The following BEND5 variants were observed in gnomAD, a reference collection of about 807,000 sequenced individuals.
BEND5 encodes the protein BEN domain containing 5.
In BEND5, 22 loss-of-function variants were observed where a neutral mutation model predicts 43.9. The observed-to-expected ratio is 0.50, with a 90% confidence interval of 0.36 to 0.72. BEND5 has a LOEUF of 0.72. Among genes scored for constraint, BEND5 ranks in the 30% least tolerant of loss-of-function variants. BEND5 has a pLI of 0.00. For missense variants in BEND5, 428 were observed against 550.6 expected (o/e 0.78, Z 2.23); for synonymous variants, 228 against 225.9 (o/e 1.01, Z -0.08).
chr1:48,733,252 G>C lies in BEND5; in HGVS notation c.1108+2987C>G, dbSNP rs529636341. ...TGATGCTGGGAAGGAACCAGTAGTA[G>C]AGCAGGAGCATAACTGAAGGAACAA... On this transcript the variant is annotated intron_variant, in intron 5 of 5. Transcript: ENST00000371833. Among the ~76,000 whole-genome samples, 8 of 152,312 alleles carry C rather than the reference G, an allele frequency of 5.3e-5. No homozygotes were observed. The South Asian group carries it at 1.7e-3, about 32-fold the overall frequency.
chr1:48,748,878 G>A (rs1484911027), intron 3 of BEND5, among the ~76,000 whole-genome samples: 1 of 152,164 alleles, frequency 6.6e-6, no homozygotes, highest in Non-Finnish European at 1.5e-5. Context: ...GAGGGCAGGA[G>A]CAGGCTTCGT....
At chr1:48,758,091 C>T (rs1298974107) in intron 3 of BEND5, among the ~76,000 whole-genome samples, 1 of 152,144 alleles carries the variant, frequency 6.6e-6, no homozygotes, top group Non-Finnish European at 1.5e-5. Context: ...GATCAGAAAA[C>T]CTGATTAGTT....
At chr1:48,758,017 T>C (rs1644036654) in intron 3 of BEND5, among the ~76,000 whole-genome samples, 1 of 152,196 alleles carries the variant, frequency 6.6e-6, no homozygotes, top group African/African-American at 2.4e-5. Context: ...TAAGCAGTCA[T>C]TTCTTCCGGC....
chr1:48,748,545 T>C (rs1399238230), intron 3 of BEND5, among the ~76,000 whole-genome samples: 2 of 152,094 alleles, frequency 1.3e-5, no homozygotes, highest in African/African-American at 2.4e-5. Context: ...TAGGAAATCT[T>C]CATAAGGACG....
intron 3 of BEND5, among the ~76,000 whole-genome samples, chr1:48,757,882 T>C (rs1644026506): frequency 6.6e-6 from 1 of 152,212 alleles, no homozygotes; most frequent in African/African-American, 2.4e-5. Flanking sequence ...TTAATTACTG[T>C]CTTCAGGGGC....
Position 48,758,945 on chromosome 1 carries a change from G to T in BEND5, c.700C>A (p.Leu234Ile). 1 of 1,591,496 alleles carries T rather than the reference G, an allele frequency of 6.3e-7. No individual in the cohort carries two copies. Among genetic ancestry groups the T allele is most frequent in the Non-Finnish European group, 8.5e-7 (1 of 1,170,022 alleles). Residue 234 changes from leucine to isoleucine, a missense_variant, in exon 3 of 6, where the codon CTT (leucine) becomes ATT (isoleucine). Physicochemically the swap from Leu to Ile is conservative, Grantham distance 5. Coordinates refer to ENST00000371833, the MANE Select transcript of BEND5 (RefSeq NM_024603.4). The stretch of plus-strand genomic sequence containing the variant: ...AGCACGTCCTGGAGCCTCCGGTTAA[G>T]GTCACGGAGCTCCTTCATTTCAGAC... ...LVSEMKELRD[L>I]NRRLQDVLLL...
intron 1 of BEND5, among the ~76,000 whole-genome samples, chr1:48,768,736 A>C (rs1166589604): frequency 6.6e-6 from 1 of 152,234 alleles, no homozygotes; most frequent in Non-Finnish European, 1.5e-5. Flanking sequence ...GAAATTCTGA[A>C]AGGCTACACA....
At chr1:48,763,083 G>T (rs1302778215) in intron 1 of BEND5, among the ~76,000 whole-genome samples, 1 of 138,834 alleles carries the variant, frequency 7.2e-6, no homozygotes, top group Non-Finnish European at 1.5e-5. Context: ...AGCATAAAGT[G>T]AATAGAGATT....
intron 3 of BEND5, among the ~76,000 whole-genome samples, chr1:48,752,488 CAG>C (rs1259701647): frequency 6.6e-6 from 1 of 152,150 alleles, no homozygotes; most frequent in Non-Finnish European, 1.5e-5. Flanking sequence ...GGTTGTAAAA[CAG>C]AGTGTTCAAA....
chr1:48,742,907 AC>A, intron 3 of BEND5, 136 bp from the exon 4 acceptor site: 1 of 787,706 alleles, frequency 1.3e-6, no homozygotes, highest in Non-Finnish European at 1.8e-6. Context: ...CTACACTTAA[AC>A]CCAGACTCGA....
chr1:48,770,865 C>T (rs1403792773), intron 1 of BEND5, among the ~76,000 whole-genome samples: 1 of 152,184 alleles, frequency 6.6e-6, no homozygotes, highest in South Asian at 2.1e-4. Context: ...ACCACCACCA[C>T]CTTAGTTTAG....
At chr1:48,768,461 G>A (rs1644642809) in intron 1 of BEND5, among the ~76,000 whole-genome samples, 2 of 152,120 alleles carry the variant, frequency 1.3e-5, no homozygotes, top group African/African-American at 4.8e-5. Context: ...AATCTGAGGA[G>A]GATAAACATT....
intron 1 of BEND5, among the ~76,000 whole-genome samples, chr1:48,770,119 C>A (rs1644739904): frequency 6.6e-6 from 1 of 152,212 alleles, no homozygotes; most frequent in African/African-American, 2.4e-5. Context: ...CCCACCAATG[C>A]CTGTGAATTC....
intron 5 of BEND5, among the ~76,000 whole-genome samples, chr1:48,735,656 A>AT (rs751893590): frequency 1.3e-5 from 2 of 152,018 alleles, no homozygotes; most frequent in Non-Finnish European, 2.9e-5. Context: ...CCTCTCCCAT[A>AT]TACCAGAAAG....
chr1:48,742,859 G>A, intron 3 of BEND5, 88 bp from the exon 4 acceptor site: 1 of 1,325,760 alleles, frequency 7.5e-7, no homozygotes, highest in Non-Finnish European at 9.9e-7. Context: ...AGCACACCAT[G>A]GCACAAAAAA....
At chr1:48,771,332 C>G (rs1644819855) in intron 1 of BEND5, among the ~76,000 whole-genome samples, 1 of 152,198 alleles carries the variant, frequency 6.6e-6, no homozygotes, top group African/African-American at 2.4e-5. Context: ...ATTCTGCTTT[C>G]TGGATGTGCT....
intron 1 of BEND5, among the ~76,000 whole-genome samples, chr1:48,764,388 G>C (rs1351694947): frequency 6.6e-6 from 1 of 152,196 alleles, no homozygotes; most frequent in East Asian, 1.9e-4. Context: ...AGAGTGAATG[G>C]CACTTCAACA....
intron 3 of BEND5, among the ~76,000 whole-genome samples, chr1:48,750,757 G>C (rs891272935): frequency 6.6e-6 from 1 of 152,224 alleles, no homozygotes; most frequent in African/African-American, 2.4e-5. Context: ...TGAGCTTCTT[G>C]TCTCTAGTGG....
rs112751020 is a variant in BEND5, at chr1:48,770,740, C to T, written c.226+5866G>A. 2.2e-3 allele frequency among the ~76,000 whole-genome samples: 336 copies of T among 152,284 alleles called. 5 individuals are homozygous for T. Among genetic ancestry groups the T allele is most frequent in the African/African-American group, 7.0e-3 (292 of 41,548 alleles). ...CCAGCTACACTTCCAGGGTTCTCCT[C>T]GAGACAGGGAGGCCCAGATCACCAC... On this transcript the variant is annotated intron_variant, in intron 1 of 5. Transcript: ENST00000371833.
Sources: allele counts gnomAD v4.1 joint callset (sites outside exome capture counted in the v4.1 genomes callset), GRCh38; gene constraint gnomAD v4.1.1; transcripts MANE v1.5; gene names NCBI Gene and HGNC (gene_info 2026-07-23, HGNC 2026-07-21).